The following SAMD5 variants were observed in gnomAD, a reference collection of about 807,000 sequenced individuals.
The protein encoded by SAMD5 is sterile alpha motif domain containing 5, also known as sterile alpha motif domain-containing protein 5.
A neutral mutation model predicts 11.3 loss-of-function variants in SAMD5; 13 were observed. The ratio of observed to expected loss-of-function variants is 1.15; its 90% CI spans 0.75 to 1.83. The LOEUF (loss-of-function observed/expected upper bound fraction) is 1.83, where lower values mean the gene tolerates loss of function less well. Ranked by LOEUF, SAMD5 falls within the 40% of genes most tolerant of loss-of-function variation. The pLI, the probability that SAMD5 is intolerant of heterozygous loss-of-function variation, is 0.00. For synonymous variants in SAMD5, 129 were observed against 111.3 expected (o/e 1.16, Z -1.00); for missense variants, 255 against 239.1 (o/e 1.07, Z -0.44).
chr6:147,720,475 A>G (rs1264538963), intron 1 of SAMD5, among the ~76,000 whole-genome samples: 1 of 133,980 alleles, frequency 7.5e-6, no homozygotes, highest in Non-Finnish European at 1.6e-5. Context: ...AAAAAAAAAA[A>G]CCTTCCACGG....
chr6:147,741,948 A>G (rs374050224), downstream of SAMD5: 1 of 152,102 alleles, frequency 6.6e-6, no homozygotes, highest in African/African-American at 2.4e-5. Flanking sequence ...ACCCACGTCT[A>G]TTTCCCCTCT....
At position 147,565,016 on chromosome 6, in the gene SAMD5, TTA is replaced by T. The variant is rs1158839536; in HGVS notation, c.*565_*566del. 1.1e-6 allele frequency: 1 copy of T among 926,070 alleles called. No homozygotes were observed. The highest frequency in any genetic ancestry group is 1.3e-6 in the Non-Finnish European group (1 of 776,464). The allele number at this position is 926,070 out of a possible 1,614,324, so 57.4% of individuals were successfully genotyped here. A position where few individuals can be genotyped will look rare whatever the true frequency, so the allele number is the denominator to read the frequency against. ...AAGGAATTCTTATTTTAAGGTGCTT[TTA>T]TATAGTTATTTTGTATATTGGTACA... On this transcript the variant is annotated 3_prime_UTR_variant, in exon 2 of 2. Coordinates refer to ENST00000367474, the MANE Select transcript of SAMD5 (RefSeq NM_001030060.3).
At chr6:147,818,624 G>C in the SAMD5 span, among the ~76,000 whole-genome samples, 33 of 152,264 alleles carry the variant, frequency 2.2e-4, no homozygotes, top group Admixed American at 1.8e-3. Context: ...ACTCCTTCCA[G>C]GATCTAGGAA....
chr6:147,696,913 G>A (rs1791183821), intron 1 of SAMD5, among the ~76,000 whole-genome samples: 1 of 152,136 alleles, frequency 6.6e-6, no homozygotes, highest in Admixed American at 6.5e-5. Flanking sequence ...AAAATATTTA[G>A]CATAAGTCTC....
At chr6:147,623,965 G>T (rs1314450493) in intron 1 of SAMD5, among the ~76,000 whole-genome samples, 1 of 152,114 alleles carries the variant, frequency 6.6e-6, no homozygotes, top group Non-Finnish European at 1.5e-5. Context: ...TGCCTCCCAG[G>T]TTCAAGCGAT....
intron 1 of SAMD5, among the ~76,000 whole-genome samples, chr6:147,640,592 A>G (rs1790298484): frequency 6.6e-6 from 1 of 151,636 alleles, no homozygotes; most frequent in African/African-American, 2.4e-5. Flanking sequence ...AGCCTTAAGC[A>G]TGGTTAATGC....
chr6:147,829,558 T>C, the SAMD5 span, among the ~76,000 whole-genome samples: 7 of 152,342 alleles, frequency 4.6e-5, no homozygotes, highest in East Asian at 1.4e-3. Context: ...TGTGCACATA[T>C]ACACATACAT....
At chr6:147,582,561 G>A (rs1369922263) in intron 1 of SAMD5, among the ~76,000 whole-genome samples, 1 of 152,126 alleles carries the variant, frequency 6.6e-6, no homozygotes, top group Non-Finnish European at 1.5e-5. Context: ...GTCGGCATGG[G>A]GCTTTAGGAA....
At chr6:147,592,999 GTGGTA>G (rs1789478423) in intron 1 of SAMD5, among the ~76,000 whole-genome samples, 4 of 151,826 alleles carry the variant, frequency 2.6e-5, no homozygotes, top group African/African-American at 9.7e-5. Flanking sequence ...TAACAGCTAT[GTGGTA>G]GAGTCCTGGG....
At chr6:147,766,432 T>A in the SAMD5 span, among the ~76,000 whole-genome samples, 1 of 152,136 alleles carries the variant, frequency 6.6e-6, no homozygotes, top group East Asian at 1.9e-4. Flanking sequence ...ATAATTTTCT[T>A]AAGCTTCAAG....
At chr6:147,658,439 T>A (rs914630296) in intron 1 of SAMD5, among the ~76,000 whole-genome samples, 1 of 150,152 alleles carries the variant, frequency 6.7e-6, no homozygotes, top group Non-Finnish European at 1.5e-5. Flanking sequence ...ATATATATAT[T>A]TTAATTTTTA....
Position 147,659,516 on chromosome 6 carries a change from G to A in SAMD5, c.163-77801G>A, listed in dbSNP as rs1483658015. Among the ~76,000 whole-genome samples, 2 of 152,192 alleles carry A rather than the reference G, an allele frequency of 1.3e-5. 1 individual carries two copies. The highest frequency in any genetic ancestry group is 2.9e-5 in the Non-Finnish European group (2 of 68,026). On this transcript the variant is annotated intron_variant, in intron 1 of 1. Transcript: ENST00000566741. ...AGCTCAACTTCTGGCTGATAAATGG[G>A]ATGGTTTGGATGATGGAGAGGTTTT...
the SAMD5 span, among the ~76,000 whole-genome samples, chr6:147,789,040 C>T: frequency 2.0e-4 from 30 of 151,026 alleles, 1 homozygote; most frequent in East Asian, 2.1e-3. Context: ...GCCCAGATCA[C>T]GCCACTGCAC....
chr6:147,606,381 G>C (rs1418849416), intron 1 of SAMD5, among the ~76,000 whole-genome samples: 1 of 151,756 alleles, frequency 6.6e-6, no homozygotes, highest in Non-Finnish European at 1.5e-5. Context: ...TAGTGCTCTT[G>C]GACTTATTAA....
chr6:147,914,392 GTT>G, the SAMD5 span, among the ~76,000 whole-genome samples: 1 of 152,198 alleles, frequency 6.6e-6, no homozygotes, highest in Admixed American at 6.5e-5. Context: ...CTACTGAGGA[GTT>G]TGTTTTGACC....
chr6:147,899,391 C>G, the SAMD5 span, among the ~76,000 whole-genome samples: 2 of 152,068 alleles, frequency 1.3e-5, no homozygotes, highest in East Asian at 3.9e-4. Context: ...GTCCTGGAAA[C>G]AGCTCAGGCC....
At chr6:147,541,431 C>T (rs1321319237) in intron 1 of SAMD5, among the ~76,000 whole-genome samples, 1 of 152,176 alleles carries the variant, frequency 6.6e-6, no homozygotes, top group African/African-American at 2.4e-5. Flanking sequence ...CAAGTATTAA[C>T]CTGGCAAAGC....
chr6:147,659,805 G>T (rs10457816), intron 1 of SAMD5, among the ~76,000 whole-genome samples: 4 of 151,932 alleles, frequency 2.6e-5, no homozygotes, highest in Non-Finnish European at 5.9e-5. Flanking sequence ...CCCCATCACC[G>T]GTGATAGATT....
chr6:147,738,590 T>C (rs952558748), downstream of SAMD5, among the ~76,000 whole-genome samples: 2 of 152,176 alleles, frequency 1.3e-5, no homozygotes, highest in Non-Finnish European at 2.9e-5. Context: ...AAACTAGTGA[T>C]TGTAGTTTTG....
Sources: allele counts gnomAD v4.1 joint callset (sites outside exome capture counted in the v4.1 genomes callset), GRCh38; gene constraint gnomAD v4.1.1; transcripts MANE v1.5; gene names NCBI Gene and HGNC (gene_info 2026-07-23, HGNC 2026-07-21).